ZNF44: variants seen among roughly 807,000 people sequenced by gnomAD.
ZNF44 encodes the protein gonadotropin inducible transcription repressor-2.
In ZNF44, 9 loss-of-function variants were observed where a neutral mutation model predicts 11.7. That is an observed-to-expected ratio of 0.77 (90% CI 0.46 to 1.35). ZNF44 has a LOEUF of 1.35. Among genes scored for constraint, ZNF44 ranks in the 40% most tolerant of loss-of-function variants. The probability of loss-of-function intolerance (pLI) is 0.00; values close to 1 mark genes in which losing one functional copy is unlikely to be tolerated. For missense variants in ZNF44, 696 were observed against 743.1 expected (o/e 0.94, Z 0.74); for synonymous variants, 224 against 242.7 (o/e 0.92, Z 0.72).
At chr19:12,245,771 A>G (rs1193523966), downstream of ZNF44, among the ~76,000 whole-genome samples, 3 of 152,178 alleles carry the variant, frequency 2.0e-5, no homozygotes, top group African/African-American at 7.2e-5. Context: ...AATGTTGTTA[A>G]CTAAATTTTC....
exon 4 of ZNF44, chr19:12,226,386 C>G (rs1229358202): frequency 6.6e-6 from 1 of 152,188 alleles, no homozygotes; most frequent in Non-Finnish European, 1.5e-5. Context: ...GATCGGAAAC[C>G]CTGTACAGGG....
rs59865823 is a variant in ZNF44 at position 12,282,421 on chromosome 19, C to CTTTTT, written c.4-6344_4-6340dup. Among the ~76,000 whole-genome samples the CTTTTT allele has an allele frequency of 2.7e-3, 341 of 126,200 alleles. 19 individuals are homozygous for CTTTTT. Among genetic ancestry groups the CTTTTT allele is most frequent in the African/African-American group, 8.1e-3 (263 of 32,278 alleles). The allele number at this position is 126,200 out of a possible 152,430, so 82.8% of individuals were successfully genotyped here. ...AAATCAACCCACTTGGAGAAGTCTT[C>CTTTTT]TTTTTTTTTTTTTTTTTTGAGACGG... On this transcript the variant is annotated intron_variant, in intron 1 of 3. Transcript: ENST00000355684.
chr19:12,262,460 A>G (rs1171330436), intron 5 of ZNF44, among the ~76,000 whole-genome samples: 1 of 151,968 alleles, frequency 6.6e-6, no homozygotes, highest in Non-Finnish European at 1.5e-5. Context: ...TAGTAGAGAC[A>G]GGGTTTCACT....
At chr19:12,228,176 TAAC>T (rs1915999104) in intron 3 of ZNF44, among the ~76,000 whole-genome samples, 1 of 105,934 alleles carries the variant, frequency 9.4e-6, no homozygotes, top group Non-Finnish European at 1.9e-5. Context: ...TTGTTTAACT[TAAC>T]TTTTTTAAAC....
chr19:12,285,952 G>A (rs1242840044), intron 1 of ZNF44, among the ~76,000 whole-genome samples: 1 of 147,324 alleles, frequency 6.8e-6, no homozygotes, highest in East Asian at 2.0e-4. Context: ...CCGGGGGTCA[G>A]AGCTTGCAGT....
At chr19:12,266,529 G>T (rs1022047740) in intron 5 of ZNF44, among the ~76,000 whole-genome samples, 1 of 152,162 alleles carries the variant, frequency 6.6e-6, no homozygotes, top group African/African-American at 2.4e-5. Context: ...TAATTGGATA[G>T]TGCCCTAGGC....
chr19:12,247,556 T>C (rs1367399759), downstream of ZNF44: 4 of 1,346,894 alleles, frequency 3.0e-6, no homozygotes, highest in Admixed American at 6.1e-5. Context: ...TTCTTTCATG[T>C]ATCTGGAAAC....
downstream of ZNF44, among the ~76,000 whole-genome samples, chr19:12,267,248 T>G (rs1190758928): frequency 1.3e-5 from 2 of 152,036 alleles, no homozygotes; most frequent in Non-Finnish European, 2.9e-5. Flanking sequence ...TTCACCTTGT[T>G]GGTCAGGCTG....
intron 1 of ZNF44, chr19:12,293,510 T>G: frequency 2.2e-5 from 16 of 743,136 alleles, no homozygotes; most frequent in Non-Finnish European, 3.3e-5. Flanking sequence ...GGTTATTCTC[T>G]TCTTCCTCAC....
chr19:12,247,785 T>C (rs1916817878), exon 8 of ZNF44: 2 of 1,303,872 alleles, frequency 1.5e-6, no homozygotes, highest in Non-Finnish European at 2.0e-6. Flanking sequence ...AAAGGGTTTA[T>C]CTCCAGTGTG....
In ZNF44 at chr19:12,272,860, A is replaced by T. The variant is rs752432341; in HGVS notation, c.1395T>A (p.Ser465Arg). Reference sequence around the variant, plus strand: ...CCTCTTCACTGTGTGTTGTTTCATGACTTTGAAAGGAAAATAAATCACTAA... The same window carrying T: ...CCTCTTCACTGTGTGTTGTTTCATGTCTTTGAAAGGAAAATAAATCACTAA... ...KAFSDLFSFQ[S>R]HETTHSEEEP... The change falls in exon 4 of 4, where the codon AGT (serine) becomes AGA (arginine). Residue 465 changes from serine (S) to arginine (R), a missense_variant. Coordinates refer to ENST00000355684, the MANE Select transcript of ZNF44 (RefSeq NM_016264.4). 1 of 1,613,876 alleles carries T rather than the reference A, an allele frequency of 6.2e-7. No homozygotes were observed. The highest frequency in any genetic ancestry group is 8.5e-7 in the Non-Finnish European group (1 of 1,179,916).
chr19:12,291,581 G>A (rs977683605), intron 1 of ZNF44, among the ~76,000 whole-genome samples: 15 of 151,654 alleles, frequency 9.9e-5, no homozygotes, highest in African/African-American at 4.9e-5. Context: ...GCCTGTAGTC[G>A]CAGCTACTTG....
intron 5 of ZNF44, chr19:12,260,601 C>A: frequency 1.6e-6 from 1 of 630,420 alleles, no homozygotes. Flanking sequence ...CTCATGCCCG[C>A]AAAAAACAAA....
chr19:12,228,623 ATC>A (rs969760087), intron 3 of ZNF44, among the ~76,000 whole-genome samples: 44 of 152,272 alleles, frequency 2.9e-4, no homozygotes, highest in African/African-American at 9.9e-4. Context: ...TGTTGTAAAC[ATC>A]TCTCTCTTTA....
intron 5 of ZNF44, among the ~76,000 whole-genome samples, chr19:12,258,794 A>G (rs879616409): frequency 4.6e-5 from 7 of 152,038 alleles, no homozygotes; most frequent in Admixed American, 6.5e-5. Flanking sequence ...CCCGCCATGC[A>G]CTCCAGCCTA....
Position 12,232,352 on chromosome 19 carries a change from C to T in ZNF44, n.381-1837G>A, listed in dbSNP as rs1916199022. On this transcript the variant is annotated intron_variant and non_coding_transcript_variant, in intron 2 of 3. Transcript: ENST00000597563. ...GGCATGCCTTCCTCTTTTACTAATC[C>T]TCCTCAGCACAGACCCTTTACGGGT... is the stretch of plus-strand genomic sequence containing the variant. Among the ~76,000 whole-genome samples, 3 of 152,174 alleles carry T rather than the reference C, an allele frequency of 2.0e-5. No homozygotes were observed. The South Asian group carries it at 6.2e-4, about 32-fold the overall frequency.
chr19:12,272,820 T>TA lies in ZNF44; in HGVS notation c.1434dup (p.Lys479Ter), dbSNP rs1568442193. On this transcript the variant is annotated frameshift_variant, in exon 4 of 4. Coordinates refer to ENST00000355684, the MANE Select transcript of ZNF44 (RefSeq NM_016264.4). LOFTEE classifies it low-confidence loss of function (END_TRUNC). ...GAACTAAATGCTTTCCCACACTCCT[T>TA]ACATTCATAAGGCTCCTCTTCACTG... 1 of 1,614,028 alleles carries TA rather than the reference T, an allele frequency of 6.2e-7. No individual in the cohort carries two copies. Among genetic ancestry groups the TA allele is most frequent in the Non-Finnish European group, 8.5e-7 (1 of 1,179,908 alleles).
At chr19:12,283,415 G>A (rs1042568931) in intron 1 of ZNF44, among the ~76,000 whole-genome samples, 28 of 152,004 alleles carry the variant, frequency 1.8e-4, no homozygotes, top group African/African-American at 6.0e-4. Flanking sequence ...TGCAAGCTCC[G>A]CCTCCCGAGT....
downstream of ZNF44, among the ~76,000 whole-genome samples, chr19:12,225,686 A>AT (rs1434855525): frequency 6.6e-6 from 1 of 152,244 alleles, no homozygotes; most frequent in African/African-American, 2.4e-5. Flanking sequence ...GAGTAAAGCA[A>AT]TTCCCACACG....
Sources: gnomAD v4.1 joint callset for allele counts (sites outside exome capture counted in the v4.1 genomes callset) on GRCh38, gnomAD v4.1.1 for gene constraint, MANE v1.5 for transcripts, NCBI Gene and HGNC (gene_info 2026-07-23, HGNC 2026-07-21) for gene names.